Variants in FRMD6 observed in about 807,000 individuals in gnomAD.
FRMD6 encodes FERM domain-containing protein 6.
Under a neutral mutation model 73.2 loss-of-function variants are expected in FRMD6, and 37 were observed. That is an observed-to-expected ratio of 0.51 (90% confidence interval 0.39 to 0.66). The LOEUF is 0.66. Among genes scored for constraint, FRMD6 ranks in the 30% least tolerant of loss-of-function variants. The pLI, the probability that FRMD6 is intolerant of heterozygous loss-of-function variation, is 0.00. For missense variants in FRMD6, 714 were observed against 780.5 expected (o/e 0.91, Z 1.02); for synonymous variants, 273 against 282.2 (o/e 0.97, Z 0.33).
the FRMD6 span, among the ~76,000 whole-genome samples, chr14:51,468,816 C>CTTTA: frequency 6.6e-6 from 1 of 152,128 alleles, no homozygotes; most frequent in Non-Finnish European, 1.5e-5. Flanking sequence ...TCCTTCCTTT[C>CTTTA]TTTATTATGA....
chr14:51,422,135 C>G, the FRMD6 span, among the ~76,000 whole-genome samples: 1 of 152,126 alleles, frequency 6.6e-6, no homozygotes, highest in Non-Finnish European at 1.5e-5. Flanking sequence ...ACAATTTACC[C>G]ATTTAAAATA....
At chr14:51,436,565 G>A in the FRMD6 span, 2 of 648,424 alleles carry the variant, frequency 3.1e-6, no homozygotes, top group Non-Finnish European at 5.3e-6. Context: ...AATCTGGAAA[G>A]GATTTGACAA....
intron 1 of FRMD6, among the ~76,000 whole-genome samples, chr14:51,674,601 G>A (rs547241469): frequency 6.6e-6 from 1 of 152,078 alleles, no homozygotes; most frequent in Admixed American, 6.6e-5. Flanking sequence ...TGATTGATTT[G>A]GGGTTTTCTT....
chr14:51,692,890 A>G (rs1005394021), intron 2 of FRMD6: 1 of 152,156 alleles, frequency 6.6e-6, no homozygotes, highest in Non-Finnish European at 1.5e-5. Context: ...TCTGCCCTAA[A>G]TAGATGCTAT....
chr14:51,713,415 A>G (rs950066454), intron 9 of FRMD6, among the ~76,000 whole-genome samples: 2 of 149,350 alleles, frequency 1.3e-5, no homozygotes, highest in Non-Finnish European at 3.0e-5. Flanking sequence ...CCAAGACCGC[A>G]CCATTGCACT....
chr14:51,488,169 A>G (rs981110534), upstream of FRMD6, among the ~76,000 whole-genome samples: 4 of 152,218 alleles, frequency 2.6e-5, no homozygotes, highest in Non-Finnish European at 4.4e-5. Flanking sequence ...CAAAAATTCC[A>G]GGGACGACTC....
chr14:51,587,460 T>C (rs1889117600), intron 2 of FRMD6, among the ~76,000 whole-genome samples: 1 of 152,228 alleles, frequency 6.6e-6, no homozygotes, highest in Admixed American at 6.5e-5. Flanking sequence ...GGTGCGAAAT[T>C]GACCAACCCT....
rs1288933054 is a variant in FRMD6 at position 51,568,293 on chromosome 14, T to C, written c.-209-2055T>C. Among the ~76,000 whole-genome samples, 3 of 152,362 alleles carry C rather than the reference T, an allele frequency of 2.0e-5. No individual in the cohort carries two copies. In the East Asian group the frequency reaches 5.8e-4, roughly 29 times the overall value. On this transcript the variant is annotated intron_variant, in intron 1 of 14. Transcript: ENST00000356218. ...AAGAATGATAGGTCCAGCTAAAGAA[T>C]GTCAAGCTCCTGTTTTGCATTCACA...
upstream of FRMD6, among the ~76,000 whole-genome samples, chr14:51,647,512 T>A (rs1023981266): frequency 6.6e-6 from 1 of 152,204 alleles, no homozygotes. Context: ...TAAGTTTCCA[T>A]GTGAGATTAT....
At chr14:51,409,530 A>C in the FRMD6 span, among the ~76,000 whole-genome samples, 1 of 152,014 alleles carries the variant, frequency 6.6e-6, no homozygotes, top group African/African-American at 2.4e-5. Context: ...TTCAGGCTTT[A>C]ATTCTTGTTA....
intron 2 of FRMD6, among the ~76,000 whole-genome samples, chr14:51,588,462 C>T (rs72673983): frequency 0.065 from 9,846 of 152,092 alleles, 470 homozygotes; most frequent in African/African-American, 0.13. Flanking sequence ...TTCTGCAGGT[C>T]TCTACTTGAT....
chr14:51,408,528 A>G, the FRMD6 span, among the ~76,000 whole-genome samples: 3 of 152,078 alleles, frequency 2.0e-5, no homozygotes, highest in South Asian at 6.2e-4. Flanking sequence ...CAGCTTGCTA[A>G]TGCTCTTTTC....
chr14:51,551,921 A>G (rs75047566), intron 1 of FRMD6, among the ~76,000 whole-genome samples: 10,433 of 152,232 alleles, frequency 0.069, 507 homozygotes, highest in Non-Finnish European at 0.11. Flanking sequence ...TCAGAAACAC[A>G]CACACAGTCT....
intron 1 of FRMD6, among the ~76,000 whole-genome samples, chr14:51,655,468 G>A (rs1004757945): frequency 1.3e-5 from 2 of 152,056 alleles, no homozygotes; most frequent in African/African-American, 4.8e-5. Context: ...AAATGTTATC[G>A]TTGGTCTCTG....
the FRMD6 span, among the ~76,000 whole-genome samples, chr14:51,468,054 C>T: frequency 2.6e-5 from 4 of 152,236 alleles, no homozygotes; most frequent in South Asian, 2.1e-4. Flanking sequence ...CTCGGGAGGC[C>T]TAGGCTGGCA....
At chr14:51,574,401 G>C (rs1358567094) in intron 2 of FRMD6, among the ~76,000 whole-genome samples, 1 of 152,052 alleles carries the variant, frequency 6.6e-6, no homozygotes. Context: ...TATTCATTTT[G>C]AATTATTAAA....
At chr14:51,474,456 A>C in the FRMD6 span, among the ~76,000 whole-genome samples, 1 of 152,204 alleles carries the variant, frequency 6.6e-6, no homozygotes. Flanking sequence ...TAGGCAGTGC[A>C]TCTGAAATGC....
chr14:51,688,684 C>T (rs945375228), intron 1 of FRMD6, among the ~76,000 whole-genome samples: 16 of 152,102 alleles, frequency 1.1e-4, no homozygotes, highest in African/African-American at 2.7e-4. Context: ...GTTTGACAGA[C>T]GACTAGTCTT....
At chr14:51,610,155 C>T (rs1001071555) in intron 2 of FRMD6, among the ~76,000 whole-genome samples, 2 of 147,436 alleles carry the variant, frequency 1.4e-5, no homozygotes, top group Non-Finnish European at 3.0e-5. Flanking sequence ...GACCTAGGCA[C>T]AGGCTCAGTC....
Sources: gnomAD v4.1 joint callset for allele counts (sites outside exome capture counted in the v4.1 genomes callset) on GRCh38, gnomAD v4.1.1 for gene constraint, MANE v1.5 for transcripts, NCBI Gene and HGNC (gene_info 2026-07-23, HGNC 2026-07-21) for gene names.